NRXN1: variants seen among roughly 807,000 people sequenced by gnomAD.
NRXN1 encodes the protein neurexin-1.
NRXN1 carries 39 observed loss-of-function variants against 150.9 expected under a neutral mutation model. The ratio of observed to expected loss-of-function variants is 0.26; its 90% CI spans 0.20 to 0.34. The LOEUF (loss-of-function observed/expected upper bound fraction) is 0.34. Ranked by LOEUF, NRXN1 falls within the 10% of genes least tolerant of loss-of-function variation. The pLI is 1.00. For synonymous variants in NRXN1, 924 were observed against 757.0 expected, an observed-to-expected ratio of 1.22 and a Z score of -3.62; for missense variants, 1,815 against 1,949.9, an observed-to-expected ratio of 0.93 and a Z score of 1.30.
At chr2:50,953,006 T>C (rs1473276040) in intron 2 of NRXN1, among the ~76,000 whole-genome samples, 1 of 152,046 alleles carries the variant, frequency 6.6e-6, no homozygotes, top group South Asian at 2.1e-4. Context: ...TCAATATATA[T>C]GGAGGAGAAA....
chr2:50,363,333 A>G (rs1040906139), intron 17 of NRXN1, among the ~76,000 whole-genome samples: 1 of 152,206 alleles, frequency 6.6e-6, no homozygotes, highest in African/African-American at 2.4e-5. Flanking sequence ...AATTTTTGCA[A>G]TCTATCCATC....
At chr2:50,627,772 G>A (rs1043609964) in intron 5 of NRXN1, among the ~76,000 whole-genome samples, 7 of 151,700 alleles carry the variant, frequency 4.6e-5, no homozygotes, top group Non-Finnish European at 8.9e-5. Flanking sequence ...AAGAAAGCGA[G>A]GCTCATGGAG....
At chr2:49,992,856 A>T (rs895476644) in intron 21 of NRXN1, among the ~76,000 whole-genome samples, 1 of 152,210 alleles carries the variant, frequency 6.6e-6, no homozygotes, top group Non-Finnish European at 1.5e-5. Flanking sequence ...AACAACAGTA[A>T]GATATCATTA....
intron 2 of NRXN1, among the ~76,000 whole-genome samples, chr2:51,022,449 T>A (rs972139450): frequency 6.6e-6 from 1 of 152,172 alleles, no homozygotes; most frequent in Non-Finnish European, 1.5e-5. Flanking sequence ...AATCTCAAAA[T>A]AATATATTTG....
chr2:50,485,929 G>C (rs1232908214), intron 15 of NRXN1, among the ~76,000 whole-genome samples: 1 of 152,236 alleles, frequency 6.6e-6, no homozygotes, highest in Non-Finnish European at 1.5e-5. Context: ...CCTACTGCCA[G>C]TGACTGACCA....
intron 5 of NRXN1, among the ~76,000 whole-genome samples, chr2:50,765,794 AT>A (rs1702316844): frequency 6.6e-6 from 1 of 152,050 alleles, no homozygotes; most frequent in African/African-American, 2.4e-5. Flanking sequence ...GTGAGTCAGC[AT>A]TTTTTGAAGC....
chr2:50,174,343 A>T (rs1417113077), intron 18 of NRXN1, among the ~76,000 whole-genome samples: 1 of 152,170 alleles, frequency 6.6e-6, no homozygotes, highest in African/African-American at 2.4e-5. Flanking sequence ...CTCAATTCAA[A>T]TAAGAGTATT....
At chr2:50,963,651 A>G (rs1693562185) in intron 2 of NRXN1, among the ~76,000 whole-genome samples, 1 of 151,718 alleles carries the variant, frequency 6.6e-6, no homozygotes, top group South Asian at 2.1e-4. Flanking sequence ...AGACACCAGC[A>G]TTGACATACA....
At chr2:50,748,074 A>C (rs1056623900) in intron 5 of NRXN1, among the ~76,000 whole-genome samples, 1 of 152,174 alleles carries the variant, frequency 6.6e-6, no homozygotes, top group African/African-American at 2.4e-5. Context: ...TCAAAACAAC[A>C]TCATCAGCTG....
At chr2:50,269,169 C>T (rs1368401224) in intron 17 of NRXN1, among the ~76,000 whole-genome samples, 1 of 152,092 alleles carries the variant, frequency 6.6e-6, no homozygotes, top group Non-Finnish European at 1.5e-5. Flanking sequence ...CTGTTGTGGG[C>T]TCAGCATATG....
intron 5 of NRXN1, among the ~76,000 whole-genome samples, chr2:50,652,924 T>C (rs1685855148): frequency 6.6e-6 from 1 of 152,090 alleles, no homozygotes; most frequent in African/African-American, 2.4e-5. Context: ...CATTTCCCTA[T>C]TGGCTAATGA....
chr2:50,925,741 G>A (rs1686766309), intron 3 of NRXN1, among the ~76,000 whole-genome samples, 197 bp downstream of exon 3: 1 of 151,852 alleles, frequency 6.6e-6, no homozygotes, highest in African/African-American at 2.4e-5. Context: ...TTGGAGTTAA[G>A]CTTGAAAAAG....
At chr2:51,014,036 T>C (rs1036321579) in intron 2 of NRXN1, among the ~76,000 whole-genome samples, 2 of 151,986 alleles carry the variant, frequency 1.3e-5, no homozygotes, top group East Asian at 3.9e-4. Context: ...CAAAAACCTA[T>C]CAAGAATTTT....
chr2:50,193,924 CT>C (rs554276931), intron 18 of NRXN1, among the ~76,000 whole-genome samples: 1 of 152,084 alleles, frequency 6.6e-6, no homozygotes, highest in Non-Finnish European at 1.5e-5. Flanking sequence ...TTGATAATGA[CT>C]ATTACACTAC....
In NRXN1 at chr2:50,583,214, T is replaced by C. The variant is rs534928005; in HGVS notation, c.1321-30189A>G. Among the ~76,000 whole-genome samples, 197 of 152,090 alleles carry C rather than the reference T, an allele frequency of 1.3e-3. 1 individual carries two copies. The highest frequency in any genetic ancestry group is 4.4e-3 in the African/African-American group (183 of 41,508). On this transcript the variant is annotated intron_variant, in intron 8 of 22. Transcript: ENST00000401669. The stretch of plus-strand genomic sequence containing the variant: ...TACAGACACCTGGCTAATTTTGTTT[T>C]TAATTTTAGTAGAGACAAGTTCTCA...
At chr2:50,377,835 C>A (rs571557669) in intron 17 of NRXN1, among the ~76,000 whole-genome samples, 4 of 152,246 alleles carry the variant, frequency 2.6e-5, no homozygotes, top group East Asian at 3.9e-4. Flanking sequence ...GTGGTTGAAT[C>A]CGAATATTTT....
At chr2:50,829,999 GAAA>G (rs572758147) in intron 5 of NRXN1, among the ~76,000 whole-genome samples, 219 of 58,110 alleles carry the variant, frequency 3.8e-3, no homozygotes, top group African/African-American at 0.021. Context: ...CTGCCTGCTG[GAAA>G]AAAAAAAAAA....
At chr2:50,876,120 G>A (rs575684656) in intron 5 of NRXN1, among the ~76,000 whole-genome samples, 28 of 151,842 alleles carry the variant, frequency 1.8e-4, no homozygotes, top group African/African-American at 6.0e-4. Context: ...CTATTAAGAC[G>A]GGCAGGCATG....
chr2:50,848,950 C>T (rs919415294), intron 5 of NRXN1, among the ~76,000 whole-genome samples: 1 of 152,154 alleles, frequency 6.6e-6, no homozygotes, highest in Non-Finnish European at 1.5e-5. Context: ...AAGCAGGTCC[C>T]AGGCGATTCC....
Sources: gnomAD v4.1 joint callset for allele counts (sites outside exome capture counted in the v4.1 genomes callset) on GRCh38, gnomAD v4.1.1 for gene constraint, MANE v1.5 for transcripts, NCBI Gene and HGNC (gene_info 2026-07-23, HGNC 2026-07-21) for gene names.